RABGAP1L: variants seen among roughly 807,000 people sequenced by gnomAD.
RABGAP1L encodes RAB GTPase activating protein 1 like.
A neutral mutation model predicts 137.7 loss-of-function variants in RABGAP1L; 63 were observed. That is an observed-to-expected ratio of 0.46 (90% CI 0.37 to 0.56). RABGAP1L has a LOEUF of 0.56. Among genes scored for constraint, RABGAP1L ranks in the 20% least tolerant of loss-of-function variants. The pLI is 0.00. For synonymous variants in RABGAP1L, 431 were observed against 433.7 expected (o/e 0.99, Z 0.08); for missense variants, 1,095 against 1,244.0 (o/e 0.88, Z 1.80).
chr1:174,241,466 T>A lies in RABGAP1L; in HGVS notation c.543-17T>A. ...GAGAATTAATATTTTATCTAACTTT[T>A]CATTACTGTTCTACAGAATTATAGA... On this transcript the variant is annotated splice_polypyrimidine_tract_variant and intron_variant, in intron 4 of 25. Transcript: ENST00000681986. 6.8e-7 allele frequency: 1 copy of A among 1,464,012 alleles called. No individual in the cohort carries two copies. The highest frequency in any genetic ancestry group is 9.1e-7 in the Non-Finnish European group (1 of 1,093,262). The allele number at this position is 1,464,012 out of a possible 1,614,324, so 90.7% of individuals were successfully genotyped here. A position where few individuals can be genotyped will look rare whatever the true frequency, so the allele number is the denominator to read the frequency against.
chr1:174,337,180 G>A (rs1316369299), intron 11 of RABGAP1L, among the ~76,000 whole-genome samples: 1 of 152,018 alleles, frequency 6.6e-6, no homozygotes, highest in Non-Finnish European at 1.5e-5. Context: ...TCTGTTCAGA[G>A]TTCAGATGAC....
chr1:174,684,998 A>G (rs1465958799), intron 15 of RABGAP1L, among the ~76,000 whole-genome samples: 2 of 152,044 alleles, frequency 1.3e-5, no homozygotes, highest in African/African-American at 4.8e-5. Context: ...TAATAATAAT[A>G]AAAAGGAAAA....
At chr1:174,828,353 A>G (rs375473487) in intron 19 of RABGAP1L, among the ~76,000 whole-genome samples, 1 of 148,056 alleles carries the variant, frequency 6.8e-6, no homozygotes, top group Non-Finnish European at 1.5e-5. Flanking sequence ...CTCAGAGGAC[A>G]CTGAAGCTCC....
intron 11 of RABGAP1L, among the ~76,000 whole-genome samples, chr1:174,327,988 T>TATATATATATATATAC (rs1680644464): frequency 4.4e-5 from 1 of 22,802 alleles, no homozygotes; most frequent in Admixed American, 3.8e-4. Context: ...TACACACACA[T>TATATATATATATATAC]ATATATATAT....
chr1:174,473,703 C>T (rs955892825), intron 13 of RABGAP1L, among the ~76,000 whole-genome samples: 6 of 152,122 alleles, frequency 3.9e-5, no homozygotes, highest in Non-Finnish European at 8.8e-5. Context: ...ATTTTAATGC[C>T]AACCACATCT....
At chr1:174,729,394 C>T (rs140879650) in intron 17 of RABGAP1L, among the ~76,000 whole-genome samples, 155 of 152,228 alleles carry the variant, frequency 1.0e-3, no homozygotes, top group African/African-American at 3.6e-3. Flanking sequence ...ATCTAGGAAA[C>T]ACCATTCTGG....
chr1:174,568,748 C>A (rs1667753632), intron 13 of RABGAP1L, among the ~76,000 whole-genome samples: 1 of 151,904 alleles, frequency 6.6e-6, no homozygotes, highest in Admixed American at 6.6e-5. Flanking sequence ...TGTATTTTGG[C>A]AGGAACATTA....
chr1:174,226,141 T>C (rs1558047571), intron 3 of RABGAP1L, among the ~76,000 whole-genome samples: 1 of 152,232 alleles, frequency 6.6e-6, no homozygotes, highest in Non-Finnish European at 1.5e-5. Context: ...TGCTCACTGC[T>C]ATTCTGCAAC....
At chr1:174,719,093 C>T (rs910124558) in intron 17 of RABGAP1L, among the ~76,000 whole-genome samples, 4 of 152,158 alleles carry the variant, frequency 2.6e-5, no homozygotes, top group African/African-American at 4.8e-5. Flanking sequence ...CCCGCCTCAG[C>T]TTCCCAAAGT....
intron 15 of RABGAP1L, among the ~76,000 whole-genome samples, chr1:174,695,943 GAATA>G (rs1462120689): frequency 5.3e-5 from 8 of 152,280 alleles, no homozygotes; most frequent in African/African-American, 1.9e-4. Flanking sequence ...ACTTTCCCCT[GAATA>G]AATAGTGTTT....
intron 19 of RABGAP1L, among the ~76,000 whole-genome samples, chr1:174,947,295 G>A (rs1462976766): frequency 4.0e-5 from 6 of 151,088 alleles, no homozygotes; most frequent in Admixed American, 4.0e-4. Context: ...GATCAGGCTG[G>A]TCTCAAACTC....
intron 13 of RABGAP1L, among the ~76,000 whole-genome samples, chr1:174,584,282 C>G (rs1376193285): frequency 1.3e-5 from 2 of 152,106 alleles, no homozygotes; most frequent in East Asian, 3.8e-4. Context: ...GAGATCTGTA[C>G]AATCATATGT....
At chr1:174,246,365 T>A (rs1480318637) in intron 5 of RABGAP1L, 1 of 152,228 alleles carries the variant, frequency 6.6e-6, no homozygotes, top group Non-Finnish European at 1.5e-5. Flanking sequence ...CAAGACTATT[T>A]GTGTGTATGT....
At chr1:174,614,667 G>C (rs929148630) in intron 13 of RABGAP1L, among the ~76,000 whole-genome samples, 4 of 152,190 alleles carry the variant, frequency 2.6e-5, no homozygotes, top group Non-Finnish European at 5.9e-5. Context: ...ACATCCTGCA[G>C]AGTGTTTTCC....
chr1:174,204,867 G>T (rs1668394848), intron 1 of RABGAP1L, among the ~76,000 whole-genome samples: 1 of 152,118 alleles, frequency 6.6e-6, no homozygotes, highest in Non-Finnish European at 1.5e-5. Flanking sequence ...GGTAAGATGT[G>T]CTTCTTTGCC....
intron 20 of RABGAP1L, among the ~76,000 whole-genome samples, chr1:174,962,697 A>G (rs1334909011): frequency 1.3e-5 from 2 of 152,180 alleles, no homozygotes; most frequent in African/African-American, 4.8e-5. Flanking sequence ...AAAAGTTTAA[A>G]TTAGTATACA....
intron 15 of RABGAP1L, among the ~76,000 whole-genome samples, chr1:174,686,937 G>A (rs1202366307): frequency 6.6e-6 from 1 of 151,856 alleles, no homozygotes; most frequent in Non-Finnish European, 1.5e-5. Context: ...GGGATTACAG[G>A]CGTGAGCCAC....
chr1:174,385,319 C>G (rs1686668244), intron 12 of RABGAP1L, among the ~76,000 whole-genome samples: 1 of 152,162 alleles, frequency 6.6e-6, no homozygotes, highest in Non-Finnish European at 1.5e-5. Context: ...GCTTGAGCTA[C>G]TAGAAGACTT....
intron 18 of RABGAP1L, among the ~76,000 whole-genome samples, chr1:174,777,525 C>T (rs1686619856): frequency 1.3e-5 from 2 of 152,138 alleles, no homozygotes; most frequent in African/African-American, 4.8e-5. Context: ...TTTATAGTTG[C>T]CTAGGATCTC....
Sources: allele counts gnomAD v4.1 joint callset (sites outside exome capture counted in the v4.1 genomes callset), GRCh38; gene constraint gnomAD v4.1.1; transcripts MANE v1.5; gene names NCBI Gene and HGNC (gene_info 2026-07-23, HGNC 2026-07-21).